The following FBXO34 variants were observed in gnomAD, a reference collection of about 807,000 sequenced individuals.
The protein encoded by FBXO34 is F-box only protein 34.
FBXO34 carries 12 observed loss-of-function variants against 24.5 expected under a neutral mutation model. The ratio of observed to expected loss-of-function variants is 0.49; its 90% CI spans 0.31 to 0.79. FBXO34 has a LOEUF of 0.79. FBXO34 is among the 30% of genes least tolerant of loss of function. The pLI is 0.04. For missense variants in FBXO34, 823 were observed against 857.7 expected, an observed-to-expected ratio of 0.96 and a Z score of 0.51; for synonymous variants, 320 against 311.9, an observed-to-expected ratio of 1.03 and a Z score of -0.27.
the FBXO34 span, chr14:55,411,896 CCTGGGGAAGGGGGG>C: frequency 3.8e-3 from 5,301 of 1,377,320 alleles, 15 homozygotes; most frequent in Non-Finnish European, 4.9e-3. Context: ...GGAGGAGGGG[CCTGGGGAAGGGGGG>C]CTGGGATGCC....
Position 55,351,860 on chromosome 14 carries a change from C to G in FBXO34, c.1470C>G (p.His490Gln). ...GMLFFLPPGQHLSDYSQLNES... is the reference protein window; with the variant it reads ...GMLFFLPPGQQLSDYSQLNES... ...TGTTTTTTTTGCCACCTGGTCAGCA[C>G]TTGTCAGACTATTCCCAGTTGAATG... Residue 490 changes from histidine to glutamine, a missense_variant, in exon 2 of 2, where the codon CAC (histidine) becomes CAG (glutamine). Physicochemically the swap from His to Gln is conservative, Grantham distance 24 (BLOSUM62 0). Transcript: ENST00000313833. 6.2e-7 allele frequency: 1 copy of G among 1,614,162 alleles called. No homozygotes were observed. The highest frequency in any genetic ancestry group is 2.2e-5 in the East Asian group (1 of 44,886).
downstream of FBXO34, among the ~76,000 whole-genome samples, chr14:55,355,424 G>A (rs1394572639): frequency 6.6e-6 from 1 of 152,102 alleles, no homozygotes; most frequent in African/African-American, 2.4e-5. Context: ...CCCTCTTCTT[G>A]TCTGTCACCG....
At chr14:55,383,584 ACAAC>A in the FBXO34 span, among the ~76,000 whole-genome samples, 3 of 151,560 alleles carry the variant, frequency 2.0e-5, no homozygotes, top group East Asian at 1.9e-4. Context: ...AACAACAACA[ACAAC>A]AAAAAAAACC....
intron 1 of FBXO34, among the ~76,000 whole-genome samples, chr14:55,348,431 C>T (rs966657872): frequency 5.3e-5 from 8 of 152,000 alleles, no homozygotes; most frequent in East Asian, 1.9e-4. Context: ...GAGGTCTTGC[C>T]GCGTTGCCCA....
chr14:55,326,916 C>T (rs534367917), intron 1 of FBXO34, among the ~76,000 whole-genome samples: 7 of 152,048 alleles, frequency 4.6e-5, no homozygotes, highest in East Asian at 1.9e-4. Flanking sequence ...GTGTGTATAA[C>T]GTTATTATTT....
chr14:55,280,216 A>G (rs2139640459), intron 1 of FBXO34, among the ~76,000 whole-genome samples: 1 of 152,346 alleles, frequency 6.6e-6, no homozygotes, highest in East Asian at 1.9e-4. Context: ...GTTTTAAAAA[A>G]TGGGAATGGG....
At chr14:55,298,222 T>C (rs1025687545) in intron 1 of FBXO34, among the ~76,000 whole-genome samples, 2 of 152,128 alleles carry the variant, frequency 1.3e-5, no homozygotes, top group African/African-American at 4.8e-5. Flanking sequence ...TTTTTGCGTT[T>C]TTTTTTAAGC....
At chr14:55,417,177 G>A in the FBXO34 span, among the ~76,000 whole-genome samples, 2 of 152,158 alleles carry the variant, frequency 1.3e-5, no homozygotes, top group Non-Finnish European at 2.9e-5. Flanking sequence ...AGAAACAGAT[G>A]TTACCTGAAC....
At chr14:55,440,589 G>A in the FBXO34 span, 2 of 1,537,860 alleles carry the variant, frequency 1.3e-6, no homozygotes, top group Admixed American at 4.1e-5. Flanking sequence ...CTCGGCCCAG[G>A]TTCCTGCAGA....
chr14:55,382,639 C>T, the FBXO34 span, among the ~76,000 whole-genome samples: 1 of 152,156 alleles, frequency 6.6e-6, no homozygotes, highest in Non-Finnish European at 1.5e-5. Context: ...TTGTGAGCCA[C>T]CATGCCTGGC....
intron 1 of FBXO34, among the ~76,000 whole-genome samples, chr14:55,326,602 G>A (rs1055541184): frequency 6.6e-6 from 1 of 152,146 alleles, no homozygotes; most frequent in African/African-American, 2.4e-5. Flanking sequence ...GAGAGCGTAA[G>A]AAATAAATTT....
At chr14:55,358,130 C>T (rs924534785), downstream of FBXO34, among the ~76,000 whole-genome samples, 1 of 151,728 alleles carries the variant, frequency 6.6e-6, no homozygotes, top group Non-Finnish European at 1.5e-5. Context: ...GGGTGTGTGG[C>T]CTGTCTTGAG....
the FBXO34 span, among the ~76,000 whole-genome samples, chr14:55,410,267 G>C: frequency 1.3e-5 from 2 of 152,296 alleles, no homozygotes; most frequent in East Asian, 1.9e-4. Context: ...GAGAAGACTA[G>C]GTTGGAGATA....
rs932765794 is a variant in FBXO34, at chr14:55,299,123, A to C, written c.-11+27586A>C. The C allele has an allele frequency of 1.2e-5, 15 of 1,275,292 alleles. No homozygotes were observed. In the African/African-American group the frequency reaches 2.1e-4, roughly 18 times the overall value. 79.0% of individuals were successfully genotyped at this position (1,275,292 alleles called of 1,614,324 possible). On this transcript the variant is annotated intron_variant, in intron 1 of 1. Coordinates refer to ENST00000313833, the MANE Select transcript of FBXO34 (RefSeq NM_017943.4). ...TCATGGCGGAATTAGAAGAACTAGA[A>C]CAGGAGGAACCAGACAAGAATTTGC...
chr14:55,415,797 C>T, the FBXO34 span, among the ~76,000 whole-genome samples: 5 of 151,960 alleles, frequency 3.3e-5, no homozygotes, highest in African/African-American at 7.3e-5. Context: ...ATTTGGGAGG[C>T]GGGGGTTGCA....
intron 1 of FBXO34, among the ~76,000 whole-genome samples, chr14:55,272,525 CTT>C (rs542675528): frequency 4.1e-4 from 46 of 113,480 alleles, no homozygotes; most frequent in Admixed American, 4.5e-4. Context: ...AATCAGTTTG[CTT>C]TTTTTTTTTT....
chr14:55,428,119 C>CTTTTTTTTT, the FBXO34 span, among the ~76,000 whole-genome samples: 1,489 of 43,364 alleles, frequency 0.034, 557 homozygotes, highest in East Asian at 0.048. Flanking sequence ...CATGCCTTAT[C>CTTTTTTTTT]TTTTTTTTTT....
At chr14:55,306,117 G>T (rs1882535820) in intron 1 of FBXO34, among the ~76,000 whole-genome samples, 1 of 152,358 alleles carries the variant, frequency 6.6e-6, no homozygotes, top group Non-Finnish European at 1.5e-5. Flanking sequence ...TTGAGTTTAT[G>T]CTCAGTTTGA....
chr14:55,350,806 GT>G lies in FBXO34; in HGVS notation c.418del (p.Ser140ProfsTer28). The G allele has an allele frequency of 6.2e-7, 1 of 1,607,608 alleles. No individual in the cohort carries two copies. On this transcript the variant is annotated frameshift_variant, in exon 2 of 2. Transcript: ENST00000313833. LOFTEE classifies it low-confidence loss of function (END_TRUNC). ...AGGATAGGATCTATGAAAATAAAAAGTTCCTGGGATATTGATGGGAGAGCTA... is the reference window on the plus strand; with the variant it reads ...AGGATAGGATCTATGAAAATAAAAAGTCCTGGGATATTGATGGGAGAGCTA... ...SNRIGSMKIK[S>X]SWDIDGRATK...
Sources: allele counts gnomAD v4.1 joint callset (sites outside exome capture counted in the v4.1 genomes callset), GRCh38; gene constraint gnomAD v4.1.1; transcripts MANE v1.5; gene names NCBI Gene and HGNC (gene_info 2026-07-23, HGNC 2026-07-21).